PLOD2: variants seen among roughly 807,000 people sequenced by gnomAD.
PLOD2 encodes the protein lysine hydroxylase 2.
A neutral mutation model predicts 101.0 loss-of-function variants in PLOD2; 65 were observed. The observed-to-expected ratio is 0.64, with a 90% confidence interval of 0.53 to 0.79. The LOEUF (loss-of-function observed/expected upper bound fraction) is 0.79, where lower values mean the gene tolerates loss of function less well. PLOD2 is among the 30% of genes least tolerant of loss of function. The pLI, the probability that PLOD2 is intolerant of heterozygous loss-of-function variation, is 0.00. For synonymous variants in PLOD2, 314 were observed against 302.9 expected, an observed-to-expected ratio of 1.04 and a Z score of -0.38; for missense variants, 909 against 914.6, an observed-to-expected ratio of 0.99 and a Z score of 0.08.
chr3:146,136,054 T>C (rs2031211894), intron 1 of PLOD2, among the ~76,000 whole-genome samples: 1 of 152,174 alleles, frequency 6.6e-6, no homozygotes, highest in East Asian at 1.9e-4. Flanking sequence ...TTTGATTGTA[T>C]GATTTTTTTT....
chr3:146,083,539 T>G (rs557849073), intron 11 of PLOD2, among the ~76,000 whole-genome samples: 1 of 151,784 alleles, frequency 6.6e-6, no homozygotes, highest in African/African-American at 2.4e-5. Flanking sequence ...TTTTACTCTT[T>G]AAGGGGCAAG....
chr3:146,071,221 G>A, intron 18 of PLOD2, 54 bp from the exon 19 acceptor site: 2 of 1,610,652 alleles, frequency 1.2e-6, no homozygotes. Flanking sequence ...ACATTAAAAA[G>A]AACACCTGTG....
At chr3:146,141,113 G>A (rs116159345) in intron 1 of PLOD2, among the ~76,000 whole-genome samples, 119 of 152,112 alleles carry the variant, frequency 7.8e-4, no homozygotes, top group Non-Finnish European at 1.3e-3. Flanking sequence ...TACACAGTAT[G>A]AACAAATGAG....
chr3:146,071,253 C>T, intron 18 of PLOD2, 24 bp downstream of exon 18: 2 of 1,611,530 alleles, frequency 1.2e-6, no homozygotes, highest in Non-Finnish European at 1.7e-6. Context: ...AAGAAATAGG[C>T]TGGAGGGGTG....
intron 11 of PLOD2, among the ~76,000 whole-genome samples, chr3:146,082,250 A>G (rs532901459): frequency 1.3e-5 from 2 of 152,324 alleles, no homozygotes; most frequent in Admixed American, 6.5e-5. Context: ...AAATATTTTC[A>G]TTGTCACTGG....
At chr3:146,151,368 A>G (rs879620090) in intron 1 of PLOD2, among the ~76,000 whole-genome samples, 1 of 152,186 alleles carries the variant, frequency 6.6e-6, no homozygotes, top group Non-Finnish European at 1.5e-5. Flanking sequence ...ATAGTAGCGC[A>G]TGCCTGTAAT....
intron 17 of PLOD2, among the ~76,000 whole-genome samples, chr3:146,071,986 G>A (rs1308397479): frequency 6.6e-6 from 1 of 151,724 alleles, no homozygotes; most frequent in Admixed American, 6.6e-5. Flanking sequence ...TAACCGTGCA[G>A]AGGCAGTAAT....
intron 3 of PLOD2, among the ~76,000 whole-genome samples, chr3:146,120,379 C>G (rs1216045042): frequency 1.3e-5 from 2 of 152,062 alleles, no homozygotes; most frequent in East Asian, 1.9e-4. Flanking sequence ...AAAATTTTCT[C>G]CCTTTCTGTA....
At position 146,085,247 on chromosome 3, in the gene PLOD2, C is replaced by T; in HGVS notation, c.1154G>A (p.Cys385Tyr). 6.2e-7 allele frequency: 1 copy of T among 1,604,520 alleles called. No homozygotes were observed. Among genetic ancestry groups the T allele is most frequent in the East Asian group, 2.2e-5 (1 of 44,690 alleles). ...GMDFCRQDEK[C>Y]DYYFSVDADV... ...TGCATCCACACTAAAGTAATAATCA[C>T]ACTTTTCATCCTGACGGCAAAAGTC... Residue 385 changes from cysteine to tyrosine, a missense_variant, in exon 11 of 20, where the codon TGT (cysteine) becomes TAT (tyrosine). Physicochemically the swap from Cys to Tyr is radical, Grantham distance 194. Transcript: ENST00000282903.
intron 1 of PLOD2, among the ~76,000 whole-genome samples, chr3:146,124,988 A>G (rs1177900211): frequency 6.6e-6 from 1 of 152,150 alleles, no homozygotes; most frequent in East Asian, 1.9e-4. Context: ...CACCTACATA[A>G]GCTACTACAG....
chr3:146,160,439 G>A (rs1387854595), intron 1 of PLOD2, among the ~76,000 whole-genome samples: 1 of 152,106 alleles, frequency 6.6e-6, no homozygotes, highest in Non-Finnish European at 1.5e-5. Context: ...GCTGCTTCCT[G>A]GGGTGCTGGA....
chr3:146,081,511 C>T (rs1576577211), intron 12 of PLOD2, among the ~76,000 whole-genome samples: 2 of 152,008 alleles, frequency 1.3e-5, no homozygotes, highest in Non-Finnish European at 2.9e-5. Context: ...CTTAGTATTC[C>T]CCACAGCAAT....
At chr3:146,095,017 T>G (rs565505620) in intron 7 of PLOD2, among the ~76,000 whole-genome samples, 1 of 152,104 alleles carries the variant, frequency 6.6e-6, no homozygotes, top group Non-Finnish European at 1.5e-5. Flanking sequence ...TGGCTAGCCA[T>G]ATGCAGAAAA....
At chr3:146,145,774 A>G (rs2031746156) in intron 1 of PLOD2, among the ~76,000 whole-genome samples, 2 of 146,486 alleles carry the variant, frequency 1.4e-5, no homozygotes, top group Admixed American at 1.4e-4. Flanking sequence ...TATTACTGAC[A>G]TTATCAAAAT....
At position 146,086,866 on chromosome 3, in the gene PLOD2, C is replaced by T; in HGVS notation, c.1048G>A (p.Ala350Thr). Residue 350 changes from alanine (A) to threonine (T), a missense_variant, in exon 10 of 20, where the codon GCT (alanine) becomes ACT (threonine). Transcript: ENST00000282903. ...TTTATAGTTTTGATTTCATGCTTAG[C>T]TTTATCAAAAAATACCTTGATGTCC... ...EKDIKVFFDK[A>T]KHEIKTIKIV... The T allele has an allele frequency of 6.5e-7, 1 of 1,535,204 alleles. No individual in the cohort carries two copies. Among genetic ancestry groups the T allele is most frequent in the Non-Finnish European group, 8.9e-7 (1 of 1,121,762 alleles).
At chr3:146,123,873 T>C (rs892450198) in intron 2 of PLOD2, among the ~76,000 whole-genome samples, 1 of 152,104 alleles carries the variant, frequency 6.6e-6, no homozygotes, top group Non-Finnish European at 1.5e-5. Context: ...GTTGCATATT[T>C]ATGGGGTACA....
chr3:146,070,764 C>T lies in PLOD2; in HGVS notation c.2230G>A (p.Val744Ile), dbSNP rs779101732. ...RLTHLHEGLP[V>I]KNGTRYIAVS... is the part of the protein sequence containing the mutation. Reference sequence around the variant, plus strand: ...GCAATGTATCTTGTTCCATTTTTAACAGGAAGTCCTTCATGCAAATGTGTG... The same window carrying T: ...GCAATGTATCTTGTTCCATTTTTAATAGGAAGTCCTTCATGCAAATGTGTG... The change falls in exon 20 of 20, where the codon GTT (valine) becomes ATT (isoleucine). Residue 744 changes from valine (V) to isoleucine (I), a missense_variant. Physicochemically the swap from Val to Ile is conservative, Grantham distance 29. Coordinates refer to ENST00000282903, the MANE Select transcript of PLOD2 (RefSeq NM_182943.3). 6.2e-7 allele frequency: 1 copy of T among 1,609,522 alleles called. No homozygotes were observed. Among genetic ancestry groups the T allele is most frequent in the African/African-American group, 1.3e-5 (1 of 74,822 alleles).
chr3:146,126,896 C>T lies in PLOD2; in HGVS notation c.110-2667G>A, dbSNP rs2030596263. Among the ~76,000 whole-genome samples, 4 of 151,076 alleles carry T rather than the reference C, an allele frequency of 2.6e-5. No individual in the cohort carries two copies. The South Asian group carries it at 8.3e-4, about 31-fold the overall frequency. ...ACCCTATCAAATGATATCATGCCTG[C>T]AATCTGTTTTAAAGTTAATTGGGGT... On this transcript the variant is annotated intron_variant, in intron 1 of 19. Transcript: ENST00000282903.
chr3:146,076,740 A>T, intron 15 of PLOD2, 42 bp downstream of exon 15: 1 of 943,916 alleles, frequency 1.1e-6, no homozygotes, highest in Non-Finnish European at 1.7e-6. Flanking sequence ...ATAACCACTT[A>T]CAGTTATAGA....
Sources: allele counts gnomAD v4.1 joint callset (sites outside exome capture counted in the v4.1 genomes callset), GRCh38; gene constraint gnomAD v4.1.1; transcripts MANE v1.5; gene names NCBI Gene and HGNC (gene_info 2026-07-23, HGNC 2026-07-21).